Variants in PSMD14 observed in about 807,000 individuals in gnomAD.
PSMD14 encodes proteasome 26S subunit, non-ATPase 14.
PSMD14 carries 7 observed loss-of-function variants against 41.2 expected under a neutral mutation model. That is an observed-to-expected ratio of 0.17 (90% CI 0.10 to 0.32). PSMD14 has a LOEUF of 0.32. Among genes scored for constraint, PSMD14 ranks in the 10% least tolerant of loss-of-function variants. The pLI is 1.00. For missense variants in PSMD14, 139 were observed against 375.6 expected (o/e 0.37, Z 5.21); for synonymous variants, 114 against 122.3 (o/e 0.93, Z 0.45).
intron 8 of PSMD14, among the ~76,000 whole-genome samples, chr2:161,389,912 T>TTTTTTTTTTTTTTTTTTTTTTG (rs1299369817): frequency 7.7e-6 from 1 of 130,246 alleles, no homozygotes; most frequent in Non-Finnish European, 1.6e-5. Flanking sequence ...TTTTTTTTTT[T>TTTTTTTTTTTTTTTTTTTTTTG]AGAGATGGGG....
chr2:161,381,700 T>C (rs1307394112), intron 7 of PSMD14: 1 of 151,898 alleles, frequency 6.6e-6, no homozygotes, highest in Non-Finnish European at 1.5e-5. Context: ...AAAATTATGG[T>C]TTAAACTGAG....
intron 2 of PSMD14, among the ~76,000 whole-genome samples, chr2:161,316,940 A>T (rs944503801): frequency 2.0e-5 from 3 of 152,194 alleles, no homozygotes; most frequent in Non-Finnish European, 4.4e-5. Flanking sequence ...ACACAGAGGG[A>T]TAGATAAACT....
chr2:161,376,720 A>T (rs543043724), intron 7 of PSMD14, among the ~76,000 whole-genome samples: 26 of 152,110 alleles, frequency 1.7e-4, no homozygotes, highest in African/African-American at 5.5e-4. Context: ...AATGTATTGC[A>T]CTTAACCATT....
intron 3 of PSMD14, among the ~76,000 whole-genome samples, chr2:161,362,078 T>A (rs564498750): frequency 2.0e-4 from 31 of 152,246 alleles, no homozygotes; most frequent in South Asian, 8.3e-4. Flanking sequence ...ATTAAAAAAA[T>A]TTTTTTGAGA....
chr2:161,332,088 C>T (rs1031841366), intron 3 of PSMD14, among the ~76,000 whole-genome samples: 10 of 151,956 alleles, frequency 6.6e-5, no homozygotes, highest in African/African-American at 1.4e-4. Context: ...TATTGTAGAT[C>T]GAAAGTAAGA....
intron 3 of PSMD14, among the ~76,000 whole-genome samples, chr2:161,335,584 A>AT (rs1220808548): frequency 2.0e-5 from 3 of 152,274 alleles, no homozygotes; most frequent in East Asian, 1.9e-4. Flanking sequence ...TTGCTTTCCC[A>AT]TTTTTTTAGA....
chr2:161,331,393 G>T (rs1310451497), intron 3 of PSMD14, among the ~76,000 whole-genome samples: 1 of 152,038 alleles, frequency 6.6e-6, no homozygotes, highest in Non-Finnish European at 1.5e-5. Context: ...CTCCTGAGTA[G>T]CTGGGACTAC....
At chr2:161,319,355 A>G (rs2105230950) in intron 3 of PSMD14, among the ~76,000 whole-genome samples, 1 of 152,212 alleles carries the variant, frequency 6.6e-6, no homozygotes, top group South Asian at 2.1e-4. Flanking sequence ...TCTCCTTTAA[A>G]TTTGGTATAA....
intron 5 of PSMD14, among the ~76,000 whole-genome samples, chr2:161,369,816 G>C (rs1191019545): frequency 6.6e-6 from 1 of 151,994 alleles, no homozygotes; most frequent in Non-Finnish European, 1.5e-5. Context: ...CTAACCAATA[G>C]TTATGGTTGG....
rs548891350 is a variant in PSMD14, at chr2:161,411,526, A to G, written c.*126A>G. ...TAAGACATCTGGCATCATTTGCAGC[A>G]CTGTAACACCTTCAGTCTCAGTTGT... On this transcript the variant is annotated 3_prime_UTR_variant, in exon 12 of 12. Coordinates refer to ENST00000409682, the MANE Select transcript of PSMD14 (RefSeq NM_005805.6). The G allele has an allele frequency of 1.6e-4, 84 of 510,900 alleles. No individual in the cohort carries two copies. The highest frequency in any genetic ancestry group is 1.6e-3 in the African/African-American group (78 of 50,190). The allele number at this position is 510,900 out of a possible 1,614,324, so 31.6% of individuals were successfully genotyped here.
At position 161,385,446 on chromosome 2, in the gene PSMD14, G is replaced by A; in HGVS notation, c.463-18G>A. 3 of 1,527,202 alleles carry A rather than the reference G, an allele frequency of 2.0e-6. No homozygotes were observed. Among genetic ancestry groups the A allele is most frequent in the Non-Finnish European group, 2.7e-6 (3 of 1,113,158 alleles). The allele number at this position is 1,527,202 out of a possible 1,614,324, so 94.6% of individuals were successfully genotyped here. Reference sequence around the variant, plus strand: ...TTGCTTTTTAAAAAAAAATTGACTTGACACCTTGTTTTTACAGGTTGTTAT... The same window carrying A: ...TTGCTTTTTAAAAAAAAATTGACTTAACACCTTGTTTTTACAGGTTGTTAT... On this transcript the variant is annotated intron_variant, in intron 7 of 11. Transcript: ENST00000409682.
At chr2:161,375,584 A>G (rs576139668) in intron 7 of PSMD14, among the ~76,000 whole-genome samples, 2 of 152,136 alleles carry the variant, frequency 1.3e-5, no homozygotes, top group South Asian at 4.1e-4. Context: ...TAGAAACAAT[A>G]TCATTCCAAG....
chr2:161,335,269 C>G (rs1210504075), intron 3 of PSMD14, among the ~76,000 whole-genome samples: 1 of 152,110 alleles, frequency 6.6e-6, no homozygotes, highest in African/African-American at 2.4e-5. Context: ...TATGTCCTTC[C>G]AAAGATAATT....
chr2:161,403,265 A>G (rs573262238), intron 10 of PSMD14, among the ~76,000 whole-genome samples: 2 of 152,300 alleles, frequency 1.3e-5, no homozygotes, highest in South Asian at 2.1e-4. Flanking sequence ...CCTCTAAAAC[A>G]TGGTAAGTGA....
Position 161,371,216 on chromosome 2 carries a change from G to C in PSMD14, c.356G>C (p.Gly119Ala). The change falls in exon 7 of 12, where the codon GGT becomes GCT. Residue 119 changes from glycine to alanine, a missense_variant. This residue lies in a region of PSMD14 where 35 missense variants were observed against 162.9 expected (regional missense o/e 0.21). Coordinates refer to ENST00000409682, the MANE Select transcript of PSMD14 (RefSeq NM_005805.6). The stretch of plus-strand genomic sequence containing the variant: ...TGGTATCACAGTCACCCTGGCTTTG[G>C]TTGTTGGCTTTCTGGTGTGGATATC... The part of the protein sequence containing the change: ...VGWYHSHPGF[G>A]CWLSGVDINT... The C allele has an allele frequency of 6.2e-7, 1 of 1,612,762 alleles. No individual in the cohort carries two copies. The highest frequency in any genetic ancestry group is 8.5e-7 in the Non-Finnish European group (1 of 1,179,298).
At chr2:161,341,739 T>C (rs1482702059) in intron 3 of PSMD14, among the ~76,000 whole-genome samples, 2 of 150,448 alleles carry the variant, frequency 1.3e-5, no homozygotes, top group South Asian at 4.2e-4. Context: ...CTCAGGAGGC[T>C]GAGGCAGGAG....
At chr2:161,376,164 C>T (rs1683500290) in intron 7 of PSMD14, among the ~76,000 whole-genome samples, 1 of 150,306 alleles carries the variant, frequency 6.7e-6, no homozygotes, top group South Asian at 2.1e-4. Context: ...TAATAAAGAA[C>T]ACAGACTTAG....
At chr2:161,379,226 AG>A (rs1475314113) in intron 7 of PSMD14, among the ~76,000 whole-genome samples, 1 of 151,994 alleles carries the variant, frequency 6.6e-6, no homozygotes, top group African/African-American at 2.4e-5. Context: ...GCCACTAGAT[AG>A]AATTGACACT....
chr2:161,402,051 A>G (rs1038991337), intron 10 of PSMD14, among the ~76,000 whole-genome samples: 2 of 152,196 alleles, frequency 1.3e-5, no homozygotes, highest in African/African-American at 4.8e-5. Flanking sequence ...GATGTTATTA[A>G]TATTCTTGAC....
Sources: allele counts gnomAD v4.1 joint callset (sites outside exome capture counted in the v4.1 genomes callset), GRCh38; gene constraint gnomAD v4.1.1; regional missense constraint gnomAD v4.1.1; transcripts MANE v1.5; gene names NCBI Gene and HGNC (gene_info 2026-07-23, HGNC 2026-07-21).